KCNIP4: variants seen among roughly 807,000 people sequenced by gnomAD.
KCNIP4 encodes Kv channel-interacting protein 4.
KCNIP4 carries 12 observed loss-of-function variants against 34.0 expected under a neutral mutation model. The ratio of observed to expected loss-of-function variants is 0.35; its 90% confidence interval spans 0.23 to 0.57. KCNIP4 has a LOEUF of 0.57. Among genes scored for constraint, KCNIP4 ranks in the 20% least tolerant of loss-of-function variants. The pLI is 0.83. For missense variants in KCNIP4, 238 were observed against 311.7 expected (o/e 0.76, Z 1.78); for synonymous variants, 124 against 102.2 (o/e 1.21, Z -1.29).
chr4:21,229,124 T>C (rs1758618600), intron 1 of KCNIP4, among the ~76,000 whole-genome samples: 1 of 152,156 alleles, frequency 6.6e-6, no homozygotes, highest in Admixed American at 6.6e-5. Context: ...ATAATCATGC[T>C]TTTTGCCCCT....
At chr4:21,551,872 G>T (rs1316553081) in intron 1 of KCNIP4, among the ~76,000 whole-genome samples, 18 of 151,914 alleles carry the variant, frequency 1.2e-4, no homozygotes, top group Admixed American at 1.2e-3. Context: ...TTGCGAGAAA[G>T]GATACCAGTG....
intron 3 of KCNIP4, among the ~76,000 whole-genome samples, chr4:20,791,149 G>GA (rs1712701777): frequency 6.6e-6 from 1 of 152,002 alleles, no homozygotes; most frequent in African/African-American, 2.4e-5. Context: ...GAAGACAATA[G>GA]AACAAAATCT....
At chr4:21,117,349 C>T (rs1203247729) in intron 1 of KCNIP4, among the ~76,000 whole-genome samples, 1 of 138,730 alleles carries the variant, frequency 7.2e-6, no homozygotes, top group Non-Finnish European at 1.5e-5. Context: ...CGGTGATTCT[C>T]CTATGTCCCA....
chr4:21,896,933 TAATAAATAAATAAATAAATA>T (rs57096209), intron 1 of KCNIP4, among the ~76,000 whole-genome samples: 46,808 of 147,302 alleles, frequency 0.32, 7,765 homozygotes, highest in African/African-American at 0.42. Flanking sequence ...CATAAATAAA[TAATAAATAAATAAATAAATA>T]AATAAATAAA....
intron 2 of KCNIP4, among the ~76,000 whole-genome samples, chr4:20,862,233 C>T (rs1722282166): frequency 6.6e-6 from 1 of 152,074 alleles, no homozygotes; most frequent in Non-Finnish European, 1.5e-5. Flanking sequence ...TCATGATCCA[C>T]CTGCCTCTGC....
intron 3 of KCNIP4, among the ~76,000 whole-genome samples, chr4:20,794,580 T>C (rs1010292554): frequency 6.6e-6 from 1 of 152,220 alleles, no homozygotes; most frequent in Admixed American, 6.5e-5. Context: ...TATTGAACTG[T>C]AAATCAAAGC....
At chr4:21,291,867 AAAAGAAAGAAAGAAAGAAAGAAAG>A (rs1211617062) in intron 1 of KCNIP4, among the ~76,000 whole-genome samples, 1,189 of 51,092 alleles carry the variant, frequency 0.023, 75 homozygotes, top group Non-Finnish European at 0.028. Flanking sequence ...AAAAAAAAAA[AAAAGAAAGAAAGAAAGAAAGAAAG>A]AAAGAAAGAA....
intron 3 of KCNIP4, among the ~76,000 whole-genome samples, chr4:20,840,243 G>A (rs143668105): frequency 4.6e-5 from 7 of 152,198 alleles, no homozygotes; most frequent in African/African-American, 1.7e-4. Flanking sequence ...ATTACCCCAT[G>A]TGCCTTTTCC....
chr4:20,744,497 C>T (rs2149318120), intron 5 of KCNIP4, among the ~76,000 whole-genome samples: 1 of 152,140 alleles, frequency 6.6e-6, no homozygotes. Flanking sequence ...AACCATCACT[C>T]TCAGCAAACT....
Position 21,474,722 on chromosome 4 carries a change from C to T in KCNIP4, c.61+473849G>A, listed in dbSNP as rs138931256. 2.3e-3 allele frequency among the ~76,000 whole-genome samples: 348 copies of T among 151,926 alleles called. 1 individual carries two copies. Among genetic ancestry groups the T allele is most frequent in the Middle Eastern group, 0.01 (3 of 290 alleles). On this transcript the variant is annotated intron_variant, in intron 1 of 8. Coordinates refer to ENST00000382152, the MANE Select transcript of KCNIP4 (RefSeq NM_025221.6). ...TTAAAAATAATTAAAATCGGCCAGG[C>T]GCGGTGGCTCACGCCTGTAATCCCA...
chr4:21,456,701 T>C (rs1348453246), intron 1 of KCNIP4, among the ~76,000 whole-genome samples: 1 of 148,382 alleles, frequency 6.7e-6, no homozygotes, highest in Non-Finnish European at 1.5e-5. Context: ...TCAGCTAGCC[T>C]GATCCAGCCT....
At chr4:21,713,461 TA>T (rs772621422) in intron 1 of KCNIP4, among the ~76,000 whole-genome samples, 2 of 152,142 alleles carry the variant, frequency 1.3e-5, no homozygotes, top group African/African-American at 2.4e-5. Context: ...CACTCTTCTT[TA>T]AAAAAATTAC....
At chr4:21,892,247 G>T (rs1727138419) in intron 1 of KCNIP4, among the ~76,000 whole-genome samples, 1 of 151,854 alleles carries the variant, frequency 6.6e-6, no homozygotes, top group African/African-American at 2.4e-5. Flanking sequence ...GAATCTGACA[G>T]ATGTCAGATG....
chr4:20,897,893 TTGTA>T (rs1726729103), intron 1 of KCNIP4, among the ~76,000 whole-genome samples: 1 of 152,132 alleles, frequency 6.6e-6, no homozygotes, highest in Non-Finnish European at 1.5e-5. Flanking sequence ...ATGGTGAACT[TTGTA>T]TGTCAACTTG....
At chr4:21,302,107 A>T (rs1007498403) in intron 1 of KCNIP4, among the ~76,000 whole-genome samples, 2 of 152,220 alleles carry the variant, frequency 1.3e-5, no homozygotes, top group African/African-American at 2.4e-5. Context: ...GATATTGTAA[A>T]ACGTAAAGTA....
intron 5 of KCNIP4, among the ~76,000 whole-genome samples, chr4:20,737,340 T>C (rs1194858024): frequency 6.6e-6 from 1 of 152,058 alleles, no homozygotes; most frequent in Non-Finnish European, 1.5e-5. Context: ...AACATGGAGG[T>C]CACCAGCAAG....
intron 1 of KCNIP4, among the ~76,000 whole-genome samples, chr4:21,178,274 T>C (rs960075580): frequency 2.2e-4 from 34 of 152,232 alleles, no homozygotes; most frequent in Non-Finnish European, 4.7e-4. Context: ...AAAATATGCT[T>C]GAAAGTCAAT....
intron 1 of KCNIP4, among the ~76,000 whole-genome samples, chr4:21,393,084 C>T (rs1367988665): frequency 2.6e-5 from 4 of 152,056 alleles, no homozygotes; most frequent in Non-Finnish European, 5.9e-5. Context: ...ATCACTGAAA[C>T]GTTTGCCTCT....
chr4:21,150,565 A>C (rs577869091), intron 1 of KCNIP4, among the ~76,000 whole-genome samples: 6 of 152,230 alleles, frequency 3.9e-5, no homozygotes, highest in Admixed American at 2.0e-4. Context: ...GTGTGTTTGC[A>C]TGTATGCATT....
Sources: allele counts gnomAD v4.1 joint callset (sites outside exome capture counted in the v4.1 genomes callset), GRCh38; gene constraint gnomAD v4.1.1; transcripts MANE v1.5; gene names NCBI Gene and HGNC (gene_info 2026-07-23, HGNC 2026-07-21).